Variants in GALNT13 observed in about 807,000 individuals in gnomAD.
The protein encoded by GALNT13 is polypeptide N-acetylgalactosaminyltransferase 13, also known as UDP-GalNAc:polypeptide N-acetylgalactosaminyltransferase 13.
A neutral mutation model predicts 64.2 loss-of-function variants in GALNT13; 28 were observed. That is an observed-to-expected ratio of 0.44 (90% CI 0.32 to 0.60). The LOEUF is 0.60. GALNT13 is among the 20% of genes least tolerant of loss of function. The probability of loss-of-function intolerance (pLI) is 0.05; values close to 1 mark genes in which losing one functional copy is unlikely to be tolerated. For missense variants in GALNT13, 577 were observed against 669.8 expected, an observed-to-expected ratio of 0.86 and a Z score of 1.53; for synonymous variants, 214 against 224.6, an observed-to-expected ratio of 0.95 and a Z score of 0.42.
chr2:153,326,977 A>G, the GALNT13 span, among the ~76,000 whole-genome samples: 5 of 152,064 alleles, frequency 3.3e-5, no homozygotes, highest in African/African-American at 1.2e-4. Context: ...GCAGCTACTC[A>G]GGAGGCTGAG....
the GALNT13 span, among the ~76,000 whole-genome samples, chr2:153,142,796 G>C: frequency 6.6e-6 from 1 of 151,896 alleles, no homozygotes; most frequent in African/African-American, 2.4e-5. Context: ...TTGTCTTGTT[G>C]AGCTCATGTT....
Position 153,944,573 on chromosome 2 carries a change from C to T in GALNT13, c.76C>T (p.Leu26=), listed in dbSNP as rs987656717. ...GGTTCTTGTTGATGTCTTCTTACTG[C>T]TGTACTTCAGTGAATGTAACAAATG... is the stretch of plus-strand genomic sequence containing the variant. The part of the protein sequence containing the change: ...MWVLVDVFLL[L]YFSECNKCDD... The change falls in exon 3 of 13, where the codon CTG becomes TTG. Residue 26 remains leucine, a synonymous_variant. Transcript: ENST00000392825. 1 of 1,613,254 alleles carries T rather than the reference C, an allele frequency of 6.2e-7. No individual in the cohort carries two copies. The highest frequency in any genetic ancestry group is 8.5e-7 in the Non-Finnish European group (1 of 1,179,456).
At chr2:154,391,200 A>G (rs1267950877) in intron 9 of GALNT13, among the ~76,000 whole-genome samples, 2 of 152,164 alleles carry the variant, frequency 1.3e-5, no homozygotes, top group Non-Finnish European at 2.9e-5. Flanking sequence ...CCAGTTCCAG[A>G]GGAAATAGAG....
chr2:154,334,864 A>G (rs1354899872), intron 9 of GALNT13, among the ~76,000 whole-genome samples: 1 of 151,894 alleles, frequency 6.6e-6, no homozygotes, highest in Non-Finnish European at 1.5e-5. Context: ...TTTGAGATAA[A>G]TTTCAGGCTG....
At chr2:153,925,665 G>A (rs1309594480) in intron 2 of GALNT13, among the ~76,000 whole-genome samples, 1 of 151,900 alleles carries the variant, frequency 6.6e-6, no homozygotes, top group South Asian at 2.1e-4. Flanking sequence ...CCATTTTCAC[G>A]ATATTGATTC....
intron 12 of GALNT13, among the ~76,000 whole-genome samples, chr2:154,450,060 A>T (rs994039964): frequency 2.6e-5 from 4 of 152,046 alleles, no homozygotes; most frequent in African/African-American, 9.7e-5. Context: ...TGCCTAAGAA[A>T]ACTAAGCTTT....
At chr2:153,889,964 T>G (rs1687444598) in intron 1 of GALNT13, among the ~76,000 whole-genome samples, 1 of 151,762 alleles carries the variant, frequency 6.6e-6, no homozygotes, top group Non-Finnish European at 1.5e-5. Flanking sequence ...TGTGGGTGTG[T>G]CTGCACTTCT....
chr2:153,250,537 A>G, the GALNT13 span, among the ~76,000 whole-genome samples: 1 of 152,200 alleles, frequency 6.6e-6, no homozygotes, highest in Non-Finnish European at 1.5e-5. Context: ...CTGGGTATAT[A>G]CCCATAGGAT....
the GALNT13 span, among the ~76,000 whole-genome samples, chr2:153,429,802 A>T: frequency 6.6e-6 from 1 of 152,158 alleles, no homozygotes; most frequent in South Asian, 2.1e-4. Context: ...ATGTTTTTAC[A>T]TATACTCCTT....
chr2:153,454,382 A>G, the GALNT13 span, among the ~76,000 whole-genome samples: 1 of 152,120 alleles, frequency 6.6e-6, no homozygotes, highest in African/African-American at 2.4e-5. Context: ...GAGACCGTCC[A>G]TTTTCACAGC....
chr2:153,383,229 A>G, the GALNT13 span, among the ~76,000 whole-genome samples: 1 of 152,064 alleles, frequency 6.6e-6, no homozygotes, highest in Non-Finnish European at 1.5e-5. Flanking sequence ...ACAATAAGAT[A>G]GAAGAAAATT....
chr2:153,793,096 A>G, the GALNT13 span, among the ~76,000 whole-genome samples: 2 of 149,888 alleles, frequency 1.3e-5, no homozygotes, highest in East Asian at 2.0e-4. Flanking sequence ...CTCAGCCTCC[A>G]GGGTAGCTGA....
chr2:153,884,839 G>A (rs577301436), intron 1 of GALNT13, among the ~76,000 whole-genome samples: 2 of 98,958 alleles, frequency 2.0e-5, no homozygotes, highest in Non-Finnish European at 3.7e-5. Context: ...GTGTGTGTGT[G>A]TGTGTATATA....
intron 9 of GALNT13, among the ~76,000 whole-genome samples, chr2:154,319,660 G>GA (rs149406885): frequency 0.17 from 23,369 of 134,858 alleles, 2,008 homozygotes; most frequent in Middle Eastern, 0.27. Context: ...GCAAGACTCT[G>GA]AAAAAAAAAA....
At chr2:153,960,547 T>A (rs910232968) in intron 3 of GALNT13, among the ~76,000 whole-genome samples, 10 of 152,176 alleles carry the variant, frequency 6.6e-5, no homozygotes, top group Admixed American at 3.3e-4. Context: ...CATTTTTAAT[T>A]GCATACAGAT....
the GALNT13 span, among the ~76,000 whole-genome samples, chr2:153,347,379 G>C: frequency 1.3e-5 from 2 of 152,320 alleles, no homozygotes; most frequent in East Asian, 3.9e-4. Flanking sequence ...AGTCTTTGGT[G>C]CACATGCCAT....
At chr2:153,466,190 C>G in the GALNT13 span, among the ~76,000 whole-genome samples, 1 of 152,038 alleles carries the variant, frequency 6.6e-6, no homozygotes, top group Non-Finnish European at 1.5e-5. Context: ...TTGTAAAGCT[C>G]CAACCATTAG....
At chr2:153,475,746 A>G in the GALNT13 span, among the ~76,000 whole-genome samples, 28 of 152,218 alleles carry the variant, frequency 1.8e-4, no homozygotes, top group African/African-American at 6.5e-4. Flanking sequence ...GAATTCTACC[A>G]GAGTACTGGA....
the GALNT13 span, among the ~76,000 whole-genome samples, chr2:153,570,065 G>A: frequency 6.6e-6 from 1 of 152,284 alleles, no homozygotes; most frequent in Middle Eastern, 3.4e-3. Context: ...CTTACCAACA[G>A]TGTGCAAGTG....
Sources: gnomAD v4.1 joint callset for allele counts (sites outside exome capture counted in the v4.1 genomes callset) on GRCh38, gnomAD v4.1.1 for gene constraint, MANE v1.5 for transcripts, NCBI Gene and HGNC (gene_info 2026-07-23, HGNC 2026-07-21) for gene names.